BRINP3: variants seen among roughly 807,000 people sequenced by gnomAD.
BRINP3 encodes the protein BMP/retinoic acid-inducible neural-specific protein 3.
In BRINP3, 19 loss-of-function variants were observed where a neutral mutation model predicts 71.0. That is an observed-to-expected ratio of 0.27 (90% CI 0.19 to 0.39). The LOEUF (loss-of-function observed/expected upper bound fraction) is 0.39. Among genes scored for constraint, BRINP3 ranks in the 10% least tolerant of loss-of-function variants. The pLI, the probability that BRINP3 is intolerant of heterozygous loss-of-function variation, is 1.00. For synonymous variants in BRINP3, 380 were observed against 337.7 expected (o/e 1.13, Z -1.37); for missense variants, 959 against 940.8 (o/e 1.02, Z -0.25).
At chr1:190,459,922 A>T (rs1382777393) in intron 1 of BRINP3, among the ~76,000 whole-genome samples, 1 of 151,840 alleles carries the variant, frequency 6.6e-6, no homozygotes, top group South Asian at 2.1e-4. Context: ...CTACCATATT[A>T]TCACTCTCTG....
chr1:190,175,338 G>A (rs550501776), intron 6 of BRINP3, among the ~76,000 whole-genome samples: 6 of 152,032 alleles, frequency 3.9e-5, no homozygotes, highest in South Asian at 4.2e-4. Flanking sequence ...TTATAATAGC[G>A]ATTTACCAAA....
At chr1:190,114,177 T>A (rs1420982307) in intron 7 of BRINP3, among the ~76,000 whole-genome samples, 1 of 152,112 alleles carries the variant, frequency 6.6e-6, no homozygotes. Context: ...CCCCACACAT[T>A]CCTCTCTTGC....
At chr1:190,415,309 A>G (rs1033079110) in intron 2 of BRINP3, among the ~76,000 whole-genome samples, 3 of 152,178 alleles carry the variant, frequency 2.0e-5, no homozygotes, top group East Asian at 1.9e-4. Flanking sequence ...TGATCTCTAC[A>G]TAAGTGACTA....
chr1:190,436,267 A>G (rs1674448269), intron 2 of BRINP3, among the ~76,000 whole-genome samples: 1 of 151,974 alleles, frequency 6.6e-6, no homozygotes, highest in Non-Finnish European at 1.5e-5. Context: ...GGACGATTGA[A>G]TCAGAAGCAT....
chr1:190,134,803 A>G (rs971124146), intron 7 of BRINP3, among the ~76,000 whole-genome samples: 2 of 152,124 alleles, frequency 1.3e-5, no homozygotes, highest in South Asian at 4.1e-4. Flanking sequence ...TAAATATATG[A>G]GTAATAATAA....
rs1435819895 is a variant in BRINP3 at position 190,130,036 on chromosome 1, T to C, written c.1184+30632A>G. ...GAGACAAAATAATTTAGTAGAACCT[T>C]ATATATTCAGGAAAAAATTCTAGCA... On this transcript the variant is annotated intron_variant, in intron 7 of 7. Coordinates refer to ENST00000367462, the MANE Select transcript of BRINP3 (RefSeq NM_199051.3). 5.3e-5 allele frequency among the ~76,000 whole-genome samples: 8 copies of C among 152,094 alleles called. No homozygotes were observed. In the South Asian group the frequency reaches 1.7e-3, roughly 32 times the overall value.
chr1:190,284,542 T>C (rs1343384286), intron 2 of BRINP3, among the ~76,000 whole-genome samples: 1 of 152,078 alleles, frequency 6.6e-6, no homozygotes, highest in East Asian at 1.9e-4. Flanking sequence ...CCATTTATCA[T>C]TGTTCTTTGA....
intron 2 of BRINP3, among the ~76,000 whole-genome samples, chr1:190,285,561 T>G (rs1487619406): frequency 6.6e-6 from 1 of 152,094 alleles, no homozygotes; most frequent in Non-Finnish European, 1.5e-5. Flanking sequence ...ATCATGCCAC[T>G]GCCCTCCAGC....
chr1:190,206,973 T>TTTTTGTTTTG (rs1553259722), intron 6 of BRINP3, among the ~76,000 whole-genome samples: 3 of 151,306 alleles, frequency 2.0e-5, no homozygotes, highest in Admixed American at 1.3e-4. Flanking sequence ...TTGGGTTTTT[T>TTTTTGTTTTG]TTTTGTTTTG....
intron 6 of BRINP3, among the ~76,000 whole-genome samples, chr1:190,179,748 T>C (rs1424221672): frequency 6.6e-6 from 1 of 152,134 alleles, no homozygotes; most frequent in Non-Finnish European, 1.5e-5. Flanking sequence ...GTTAGGACAA[T>C]TTATCTACTA....
At chr1:190,391,163 A>C (rs1325989513) in intron 2 of BRINP3, among the ~76,000 whole-genome samples, 1 of 151,486 alleles carries the variant, frequency 6.6e-6, no homozygotes, top group Non-Finnish European at 1.5e-5. Flanking sequence ...GGGGGAGATT[A>C]TTTTATCTGG....
chr1:190,220,505 C>T (rs1017241030), intron 6 of BRINP3, among the ~76,000 whole-genome samples: 7 of 151,926 alleles, frequency 4.6e-5, no homozygotes, highest in Admixed American at 2.6e-4. Context: ...CAAAACTGCA[C>T]GTTCTGCACA....
chr1:190,115,352 C>G (rs1253972475), intron 7 of BRINP3, among the ~76,000 whole-genome samples: 1 of 152,086 alleles, frequency 6.6e-6, no homozygotes, highest in East Asian at 1.9e-4. Flanking sequence ...TTGCTCCCAA[C>G]ACTACACTTC....
At chr1:190,134,010 A>T (rs1232555727) in intron 7 of BRINP3, among the ~76,000 whole-genome samples, 1 of 152,138 alleles carries the variant, frequency 6.6e-6, no homozygotes, top group African/African-American at 2.4e-5. Context: ...GTGTTGGGGG[A>T]TTTAAAATAC....
chr1:190,139,489 A>G (rs1247772898), intron 7 of BRINP3, among the ~76,000 whole-genome samples: 1 of 151,814 alleles, frequency 6.6e-6, no homozygotes, highest in African/African-American at 2.4e-5. Context: ...GAAAAGAAAA[A>G]AAATGATCTT....
chr1:190,191,494 G>A (rs113336705), intron 6 of BRINP3, among the ~76,000 whole-genome samples: 2,732 of 152,094 alleles, frequency 0.018, 79 homozygotes, highest in African/African-American at 0.062. Context: ...TTATGAGTGC[G>A]AACAAGTGGT....
At chr1:190,405,831 A>G (rs189378234) in intron 2 of BRINP3, among the ~76,000 whole-genome samples, 1 of 152,346 alleles carries the variant, frequency 6.6e-6, no homozygotes, top group Admixed American at 6.5e-5. Context: ...GTAAGAACAG[A>G]CAAGTAACAA....
intron 2 of BRINP3, among the ~76,000 whole-genome samples, chr1:190,338,885 C>G (rs1478589047): frequency 6.6e-6 from 1 of 151,760 alleles, no homozygotes; most frequent in Non-Finnish European, 1.5e-5. Flanking sequence ...TCAATATATT[C>G]TTGTTGTCAG....
At chr1:190,459,930 C>G in intron 1 of BRINP3, among the ~76,000 whole-genome samples, 1 of 151,902 alleles carries the variant, frequency 6.6e-6, no homozygotes, top group East Asian at 1.9e-4. Context: ...TTATCACTCT[C>G]TGTCTCTTTT....
Sources: allele counts gnomAD v4.1 joint callset (sites outside exome capture counted in the v4.1 genomes callset), GRCh38; gene constraint gnomAD v4.1.1; transcripts MANE v1.5; gene names NCBI Gene and HGNC (gene_info 2026-07-23, HGNC 2026-07-21).